Variants in GPR89A observed in about 807,000 individuals in gnomAD.
The protein encoded by GPR89A is G protein-coupled receptor 89A.
In GPR89A, 16 loss-of-function variants were observed where a neutral mutation model predicts 52.0. That is an observed-to-expected ratio of 0.31 (90% CI 0.21 to 0.47). GPR89A has a LOEUF of 0.47. GPR89A is among the 20% of genes least tolerant of loss of function. The probability of loss-of-function intolerance (pLI) is 1.00; values close to 1 mark genes in which losing one functional copy is unlikely to be tolerated. For synonymous variants in GPR89A, 55 were observed against 150.9 expected, an observed-to-expected ratio of 0.36 and a Z score of 4.66; for missense variants, 135 against 449.4, an observed-to-expected ratio of 0.30 and a Z score of 6.33.
At chr1:145,609,972 T>A (rs1284189021) in intron 1 of GPR89A, among the ~76,000 whole-genome samples, 6 of 152,296 alleles carry the variant, frequency 3.9e-5, no homozygotes, top group Non-Finnish European at 5.9e-5. Flanking sequence ...GCTGCCTTCT[T>A]CCTCATTTCC....
intron 10 of GPR89A, among the ~76,000 whole-genome samples, chr1:145,655,766 C>T (rs587692248): frequency 4.9e-4 from 74 of 152,254 alleles, no homozygotes; most frequent in African/African-American, 1.3e-3. Flanking sequence ...TCAGGAGGCA[C>T]GGGATCAGGG....
chr1:145,648,637 G>A (rs1189149030), intron 10 of GPR89A, among the ~76,000 whole-genome samples: 8 of 151,150 alleles, frequency 5.3e-5, no homozygotes, highest in Non-Finnish European at 7.4e-5. Context: ...GCACCACCAC[G>A]CCCAGCTAAC....
chr1:145,619,303 T>TAAAAA (rs1190730355), intron 3 of GPR89A, among the ~76,000 whole-genome samples: 196 of 18,656 alleles, frequency 0.011, no homozygotes, highest in African/African-American at 0.016. Flanking sequence ...ATTGAAAGGT[T>TAAAAA]AAAAAAAAAA....
At chr1:145,639,875 G>T (rs1361132523) in intron 7 of GPR89A, among the ~76,000 whole-genome samples, 2 of 151,890 alleles carry the variant, frequency 1.3e-5, no homozygotes, top group African/African-American at 4.8e-5. Context: ...GCAATTAGGC[G>T]TCCATAGGTT....
intron 13 of GPR89A, 24 bp downstream of exon 13, chr1:145,669,714 T>A (rs782119018): frequency 6.2e-7 from 1 of 1,611,606 alleles, no homozygotes; most frequent in Non-Finnish European, 8.5e-7. Context: ...GTTACCTTTA[T>A]GTTTACAGCT....
At chr1:145,614,634 C>CTTA (rs1648532462) in intron 1 of GPR89A, among the ~76,000 whole-genome samples, 1 of 151,240 alleles carries the variant, frequency 6.6e-6, no homozygotes, top group South Asian at 2.1e-4. Context: ...CCTCATAGAG[C>CTTA]TTATAATCTA....
intron 7 of GPR89A, among the ~76,000 whole-genome samples, chr1:145,640,810 C>G (rs1398616326): frequency 2.1e-5 from 3 of 145,096 alleles, no homozygotes; most frequent in Non-Finnish European, 3.0e-5. Context: ...AAAAAACATT[C>G]AAAGCTTACA....
At chr1:145,647,062 A>G (rs1651043220) in intron 9 of GPR89A, 113 bp from the exon 10 acceptor site, 57 of 1,494,404 alleles carry the variant, frequency 3.8e-5, no homozygotes, top group South Asian at 3.1e-4. Context: ...TATTATTACA[A>G]TGTATGGTTT....
In GPR89A at chr1:145,669,745, T is replaced by C. The variant is rs781923864; in HGVS notation, c.1161+55T>C. The C allele has an allele frequency of 3.7e-6, 6 of 1,610,012 alleles. No homozygotes were observed. The Admixed American group carries it at 1.0e-4, about 27-fold the overall frequency. ...CAGCTGTAAAATATCAGAAATGTGC[T>C]TGATACTTTTAAGAATTTTAATAAT... On this transcript the variant is annotated intron_variant, in intron 13 of 13. Transcript: ENST00000313835.
chr1:145,662,265 C>G (rs1191236383), intron 10 of GPR89A, among the ~76,000 whole-genome samples: 3 of 152,134 alleles, frequency 2.0e-5, no homozygotes, highest in Non-Finnish European at 4.4e-5. Flanking sequence ...TTTTGAAGCT[C>G]TGTCATTAGG....
intron 7 of GPR89A, among the ~76,000 whole-genome samples, chr1:145,638,783 A>AG (rs1452799970): frequency 1.7e-5 from 1 of 57,636 alleles, no homozygotes; most frequent in African/African-American, 7.8e-5. Flanking sequence ...TGGGAAAAAA[A>AG]AAGTAATGGT....
chr1:145,666,888 C>A (rs1172712486), intron 12 of GPR89A, among the ~76,000 whole-genome samples: 2 of 151,986 alleles, frequency 1.3e-5, no homozygotes, highest in African/African-American at 2.4e-5. Flanking sequence ...TGAACTCATC[C>A]TTTTTTGTGG....
At chr1:145,664,483 C>G (rs1559051325) in intron 11 of GPR89A, among the ~76,000 whole-genome samples, 1 of 151,270 alleles carries the variant, frequency 6.6e-6, no homozygotes, top group Non-Finnish European at 1.5e-5. Context: ...AAACCTGTCT[C>G]TAGAAAAAAT....
At chr1:145,666,222 A>G (rs1652542310) in intron 12 of GPR89A, among the ~76,000 whole-genome samples, 1 of 144,900 alleles carries the variant, frequency 6.9e-6, no homozygotes, top group Non-Finnish European at 1.5e-5. Flanking sequence ...GTTCACTGAT[A>G]TGTTATCAGT....
chr1:145,617,237 G>C (rs1299193525), intron 2 of GPR89A, among the ~76,000 whole-genome samples: 7 of 152,140 alleles, frequency 4.6e-5, no homozygotes, highest in African/African-American at 1.7e-4. Flanking sequence ...GAATTCAGCA[G>C]TATTTCTCCT....
chr1:145,660,158 A>G (rs1469947251), intron 10 of GPR89A, among the ~76,000 whole-genome samples: 1 of 152,188 alleles, frequency 6.6e-6, no homozygotes, highest in African/African-American at 2.4e-5. Flanking sequence ...CATATCTACA[A>G]CTATCTGATC....
chr1:145,632,674 T>C (rs1398209811), intron 7 of GPR89A, among the ~76,000 whole-genome samples: 2 of 152,234 alleles, frequency 1.3e-5, no homozygotes, highest in African/African-American at 2.4e-5. Context: ...ATACCATAAC[T>C]TGGCTATTGT....
intron 10 of GPR89A, among the ~76,000 whole-genome samples, chr1:145,650,351 T>C (rs1651364240): frequency 6.6e-6 from 1 of 151,644 alleles, no homozygotes; most frequent in South Asian, 2.1e-4. Flanking sequence ...TTCCATGGTG[T>C]ATATGTACCA....
At chr1:145,611,161 T>TGG (rs1491300776) in intron 1 of GPR89A, among the ~76,000 whole-genome samples, 1 of 127,976 alleles carries the variant, frequency 7.8e-6, no homozygotes, top group Non-Finnish European at 1.6e-5. Flanking sequence ...TCCAGCTACT[T>TGG]GTGTGTGTGT....
Sources: allele counts gnomAD v4.1 joint callset (sites outside exome capture counted in the v4.1 genomes callset), GRCh38; gene constraint gnomAD v4.1.1; transcripts MANE v1.5; gene names NCBI Gene and HGNC (gene_info 2026-07-23, HGNC 2026-07-21).